Variants in FBXL18 observed in about 807,000 individuals in gnomAD.
FBXL18 encodes the protein F-box and leucine rich repeat protein 18.
FBXL18 carries 36 observed loss-of-function variants against 46.0 expected under a neutral mutation model. The observed-to-expected ratio is 0.78, with a 90% CI of 0.60 to 1.03. FBXL18 has a LOEUF of 1.03. Among genes scored for constraint, FBXL18 ranks in the 50% least tolerant of loss-of-function variants. FBXL18 has a pLI of 0.00. For synonymous variants in FBXL18, 557 were observed against 465.3 expected, an observed-to-expected ratio of 1.20 and a Z score of -2.54; for missense variants, 977 against 1,004.1, an observed-to-expected ratio of 0.97 and a Z score of 0.36.
chr7:5,487,016 G>A (rs1474096652), intron 4 of FBXL18, among the ~76,000 whole-genome samples: 1 of 152,272 alleles, frequency 6.6e-6, no homozygotes. Context: ...CGCCCAGGGC[G>A]CAAAGCAGGG....
At chr7:5,467,078 A>G (rs775267154) in intron 4 of FBXL18, among the ~76,000 whole-genome samples, 1 of 152,012 alleles carries the variant, frequency 6.6e-6, no homozygotes, top group Non-Finnish European at 1.5e-5. Context: ...TTGGCCGGGC[A>G]CAGTGGCTCA....
intron 3 of FBXL18, among the ~76,000 whole-genome samples, chr7:5,498,473 C>T (rs1439875692): frequency 1.3e-5 from 2 of 152,164 alleles, no homozygotes; most frequent in Non-Finnish European, 1.5e-5. Flanking sequence ...AGGTACAGAC[C>T]CCACCTATTC....
chr7:5,486,592 G>C (rs957721859), intron 4 of FBXL18, among the ~76,000 whole-genome samples: 1 of 151,958 alleles, frequency 6.6e-6, no homozygotes, highest in Non-Finnish European at 1.5e-5. Flanking sequence ...GGTCAAGGCT[G>C]CAGTGAGCTG....
downstream of FBXL18, among the ~76,000 whole-genome samples, chr7:5,474,310 GTT>G (rs57034960): frequency 9.5e-3 from 1,380 of 144,858 alleles, 15 homozygotes; most frequent in African/African-American, 0.033. Flanking sequence ...TGTGCAGTTC[GTT>G]TTTTTTTTTT....
chr7:5,485,719 C>T (rs1783754091), intron 4 of FBXL18, among the ~76,000 whole-genome samples: 1 of 151,734 alleles, frequency 6.6e-6, no homozygotes, highest in East Asian at 1.9e-4. Context: ...ACCAGCCTGA[C>T]CAACATGGAG....
intron 3 of FBXL18, among the ~76,000 whole-genome samples, chr7:5,492,313 C>T (rs1427081975): frequency 1.3e-5 from 2 of 151,434 alleles, no homozygotes; most frequent in East Asian, 1.9e-4. Context: ...GAGGACAGGC[C>T]CGGGGGGCCC....
intron 4 of FBXL18, among the ~76,000 whole-genome samples, chr7:5,484,283 C>A (rs547505474): frequency 6.6e-6 from 1 of 151,840 alleles, no homozygotes; most frequent in African/African-American, 2.4e-5. Flanking sequence ...CTGGCTAACA[C>A]GGTGAAACCC....
chr7:5,471,291 C>T (rs751951595), downstream of FBXL18, among the ~76,000 whole-genome samples: 2 of 152,170 alleles, frequency 1.3e-5, no homozygotes, highest in African/African-American at 4.8e-5. Context: ...TCGGAACACA[C>T]GGGCCGGGGC....
At chr7:5,505,284 C>T (rs1030406563) in intron 2 of FBXL18, 128 bp downstream of exon 2, 11 of 832,078 alleles carry the variant, frequency 1.3e-5, no homozygotes, top group Non-Finnish European at 1.9e-5. Flanking sequence ...CTGCAGACGG[C>T]GCCAGTCAGG....
At chr7:5,497,442 C>T (rs904541141) in intron 3 of FBXL18, among the ~76,000 whole-genome samples, 22 of 152,160 alleles carry the variant, frequency 1.4e-4, no homozygotes, top group African/African-American at 5.3e-4. Context: ...ACAGGAAATA[C>T]AGAGGCTTCT....
In FBXL18 at chr7:5,480,405, G is replaced by A. The variant is rs1783609848; in HGVS notation, c.*1370C>T. ...GGGGTGAGGACTCAGATGCCAGGAG[G>A]ATGTCCTCATTTTTGGAATAACTTT... On this transcript the variant is annotated 3_prime_UTR_variant, in exon 5 of 5. Coordinates refer to ENST00000382368, the MANE Select transcript of FBXL18 (RefSeq NM_024963.6). 2 of 152,106 alleles carry A rather than the reference G, an allele frequency of 1.3e-5. No homozygotes were observed. The highest frequency in any genetic ancestry group is 2.9e-5 in the Non-Finnish European group (2 of 68,032). The allele number at this position is 152,106 out of a possible 1,614,324, so 9.4% of individuals were successfully genotyped here.
At position 5,477,166 on chromosome 7, in the gene FBXL18, C is replaced by T. The variant is rs4724696; in HGVS notation, c.*4609G>A. On this transcript the variant is annotated 3_prime_UTR_variant, in exon 5 of 5. Coordinates refer to ENST00000382368, the MANE Select transcript of FBXL18 (RefSeq NM_024963.6). This position sits in a 1 kb window ranked among gnomAD's most constrained non-coding sequence, Gnocchi z 4.4. Reference sequence around the variant, plus strand: ...CCTCCTAAAGTGCTGGGATTACAGGCGTGAGCCACTGCGCCCGGCCAGATC... The same window carrying T: ...CCTCCTAAAGTGCTGGGATTACAGGTGTGAGCCACTGCGCCCGGCCAGATC... The T allele has an allele frequency of 0.44, 67,249 of 151,976 alleles. 15,159 individuals carry two copies. The highest frequency in any genetic ancestry group is 0.7 in the East Asian group (3,598 of 5,106). The allele number at this position is 151,976 out of a possible 1,614,324, so 9.4% of individuals were successfully genotyped here. A position where few individuals can be genotyped will look rare whatever the true frequency, so the allele number is the denominator to read the frequency against.
intron 4 of FBXL18, among the ~76,000 whole-genome samples, chr7:5,486,312 C>T (rs1394769763): frequency 6.8e-6 from 1 of 146,782 alleles, no homozygotes; most frequent in African/African-American, 2.5e-5. Flanking sequence ...CCAGCTACTC[C>T]AGAGGCAGAG....
At position 5,455,302 on chromosome 7, in the gene FBXL18, A is replaced by G. The variant is rs564289359; in HGVS notation, c.2001-7459T>C. On this transcript the variant is annotated intron_variant and NMD_transcript_variant, in intron 4 of 6. Transcript: ENST00000415009. The surrounding 1 kb of genome is among the most constrained non-coding windows in gnomAD (Gnocchi z 4.6). ...GCACCTGCAGGGAGTATTCTCGGGC[A>G]TATGCTTGGGTAGCACTCTCAAGGA... 7.1e-4 allele frequency among the ~76,000 whole-genome samples: 108 copies of G among 152,102 alleles called. No individual in the cohort carries two copies. Among genetic ancestry groups the G allele is most frequent in the African/African-American group, 2.6e-3 (106 of 41,504 alleles).
downstream of FBXL18, among the ~76,000 whole-genome samples, chr7:5,471,170 G>A (rs1376229467): frequency 2.0e-5 from 3 of 152,296 alleles, no homozygotes; most frequent in Middle Eastern, 3.4e-3. Flanking sequence ...CAAGTTCAAC[G>A]CCCGCAATAA....
intron 3 of FBXL18, among the ~76,000 whole-genome samples, chr7:5,500,220 T>G (rs1190963062): frequency 6.6e-6 from 1 of 151,940 alleles, no homozygotes; most frequent in Non-Finnish European, 1.5e-5. Flanking sequence ...CTGAGACGAT[T>G]TCACAGGATG....
intron 1 of FBXL18, among the ~76,000 whole-genome samples, chr7:5,506,245 CTT>C (rs1164333440): frequency 7.9e-6 from 1 of 126,706 alleles, no homozygotes; most frequent in Non-Finnish European, 1.7e-5. Context: ...TGCCCGGCCT[CTT>C]TTTTTTTTCT....
In FBXL18 at chr7:5,502,179, C is replaced by G. The variant is rs1241109078; in HGVS notation, c.238-148G>C. On this transcript the variant is annotated intron_variant, in intron 2 of 4. Transcript: ENST00000382368. ...CTCTCGCTGCCTACCTGCCCGCACT[C>G]TGACCTGGAGCCAAGAGTCCCCAGC... 4.7e-6 allele frequency: 3 copies of G among 641,176 alleles called. No homozygotes were observed. The African/African-American group carries it at 5.5e-5, about 12-fold the overall frequency. The allele number at this position is 641,176 out of a possible 1,614,324, so 39.7% of individuals were successfully genotyped here.
In FBXL18 at chr7:5,501,943, C is replaced by G; in HGVS notation, c.326G>C (p.Gly109Ala). ...LSMAGCYWLP[G>A]STVEHVARCR... is the part of the protein sequence containing the mutation. ...GCGGGCCACGTGTTCCACGGTGGAG[C>G]CAGGCAGCCAGTAGCAGCCAGCCAT... Residue 109 changes from glycine to alanine, a missense_variant, in exon 3 of 5, where the codon GGC (glycine) becomes GCC (alanine). Transcript: ENST00000382368. 1 of 1,604,804 alleles carries G rather than the reference C, an allele frequency of 6.2e-7. No homozygotes were observed. The highest frequency in any genetic ancestry group is 8.5e-7 in the Non-Finnish European group (1 of 1,176,876).
Sources: gnomAD v4.1 joint callset for allele counts (sites outside exome capture counted in the v4.1 genomes callset) on GRCh38, gnomAD v4.1.1 for gene constraint, Gnocchi (gnomAD v3.1) non-coding constraint, MANE v1.5 for transcripts, NCBI Gene and HGNC (gene_info 2026-07-23, HGNC 2026-07-21) for gene names.